CTTN: variants seen among roughly 807,000 people sequenced by gnomAD.
CTTN encodes src substrate cortactin.
CTTN carries 28 observed loss-of-function variants against 84.0 expected under a neutral mutation model. The observed-to-expected ratio is 0.33, with a 90% confidence interval of 0.25 to 0.46. CTTN has a LOEUF of 0.46. Among genes scored for constraint, CTTN ranks in the 20% least tolerant of loss-of-function variants. CTTN has a pLI of 1.00. For missense variants in CTTN, 641 were observed against 723.8 expected, an observed-to-expected ratio of 0.89 and a Z score of 1.31; for synonymous variants, 301 against 288.8, an observed-to-expected ratio of 1.04 and a Z score of -0.43.
chr11:70,403,276 T>C (rs1276694012), intron 1 of CTTN, among the ~76,000 whole-genome samples: 2 of 132,684 alleles, frequency 1.5e-5, no homozygotes, highest in Non-Finnish European at 1.6e-5. Flanking sequence ...ACAGCCTCTG[T>C]CTCCCGGGTT....
intron 1 of CTTN, among the ~76,000 whole-genome samples, chr11:70,404,386 A>G (rs751155863): frequency 2.7e-4 from 41 of 152,104 alleles, no homozygotes; most frequent in Non-Finnish European, 4.3e-4. Context: ...GTGCTTGGCC[A>G]CCCTCTGGGG....
rs1029889903 is a variant in CTTN, at chr11:70,409,316, T to G, written c.162-515T>G. Among the ~76,000 whole-genome samples, 6 of 152,194 alleles carry G rather than the reference T, an allele frequency of 3.9e-5. No homozygotes were observed. In the East Asian group the frequency reaches 1.2e-3, roughly 29 times the overall value. ...GTTTCATTATCTGCTGTATTAAAAT[T>G]TTTTAATGGCATTTAGATGTTAAAT... On this transcript the variant is annotated intron_variant, in intron 4 of 17. Coordinates refer to ENST00000301843, the MANE Select transcript of CTTN (RefSeq NM_005231.4).
chr11:70,410,208 A>G (rs2058083326), intron 5 of CTTN: 1 of 416,814 alleles, frequency 2.4e-6, no homozygotes, highest in South Asian at 3.6e-5. Context: ...CCAGAGAGGG[A>G]GATTGGCCCT....
chr11:70,434,192 G>T (rs1016601057), intron 17 of CTTN, among the ~76,000 whole-genome samples: 19 of 152,324 alleles, frequency 1.2e-4, no homozygotes, highest in South Asian at 2.1e-4. Flanking sequence ...CTCAGCTCCT[G>T]GGCTGGCCTC....
intron 15 of CTTN, 30 bp from the exon 16 acceptor site, chr11:70,433,071 C>T: frequency 6.2e-7 from 1 of 1,606,696 alleles, no homozygotes; most frequent in Non-Finnish European, 8.5e-7. Flanking sequence ...AGCATGGGCC[C>T]CGTGCCATGT....
At chr11:70,424,630 A>G (rs1591446484) in intron 12 of CTTN, among the ~76,000 whole-genome samples, 1 of 152,002 alleles carries the variant, frequency 6.6e-6, no homozygotes, top group East Asian at 1.9e-4. Context: ...AACAGGTGCA[A>G]GCAGCTCAAG....
rs61758146 is a variant in CTTN, at chr11:70,425,334, T to G, written c.960T>G (p.Asn320Lys). 5.6e-6 allele frequency: 9 copies of G among 1,611,866 alleles called. No individual in the cohort carries two copies. The highest frequency in any genetic ancestry group is 7.6e-6 in the Non-Finnish European group (9 of 1,179,074). ...YGVQKDRMDK[N>K]ASTFEDVTQV... ...ACGCCCATGTCCTGTCTCTGCAGAA[T>G]GCGTCAACCTTTGAGGATGTCACCC... The change falls in exon 13 of 18, where the codon AAT becomes AAG. Residue 320 changes from asparagine (N) to lysine (K), a missense_variant and splice_region_variant. By Grantham distance (94) the Asn-to-Lys change is moderately conservative (BLOSUM62 0). Transcript: ENST00000301843.
intron 1 of CTTN, among the ~76,000 whole-genome samples, chr11:70,403,598 T>C (rs945090183): frequency 2.0e-5 from 3 of 152,194 alleles, no homozygotes; most frequent in Admixed American, 6.5e-5. Flanking sequence ...ATTTATTTTT[T>C]TCCTCTAGTG....
At chr11:70,400,644 G>A (rs987565422) in intron 1 of CTTN, among the ~76,000 whole-genome samples, 4 of 152,242 alleles carry the variant, frequency 2.6e-5, no homozygotes, top group African/African-American at 9.6e-5. Flanking sequence ...TAAAATGACA[G>A]CACACATAAT....
intron 13 of CTTN, among the ~76,000 whole-genome samples, chr11:70,426,005 T>G (rs978332998): frequency 7.2e-5 from 11 of 152,192 alleles, no homozygotes; most frequent in African/African-American, 2.7e-4. Context: ...TCAGGGGCTA[T>G]GGACCCACAG....
Position 70,421,607 on chromosome 11 carries a change from TC to T in CTTN, c.901+33del, listed in dbSNP as rs768206952. 1.1e-5 allele frequency: 17 copies of T among 1,533,022 alleles called. No individual in the cohort carries two copies. The African/African-American group carries it at 1.9e-4, about 17-fold the overall frequency. 95.0% of individuals were successfully genotyped at this position (1,533,022 alleles called of 1,614,324 possible). ...CACAGTTGCCACCAGCCTCCTACCC[TC>T]CCCCCGACCCTCCTGTGCGGCCACT... On this transcript the variant is annotated intron_variant, in intron 11 of 17. Transcript: ENST00000301843.
chr11:70,412,700 C>T (rs986133577), intron 5 of CTTN, among the ~76,000 whole-genome samples: 4 of 152,126 alleles, frequency 2.6e-5, no homozygotes, highest in Admixed American at 6.5e-5. Context: ...ATCCATCACG[C>T]GGGGCAGGCT....
intron 1 of CTTN, among the ~76,000 whole-genome samples, chr11:70,401,073 C>G (rs1405763020): frequency 6.6e-6 from 1 of 152,102 alleles, no homozygotes; most frequent in Non-Finnish European, 1.5e-5. Context: ...GTGGCTCACA[C>G]CTGTAATCTC....
chr11:70,424,681 G>GTC (rs1399002237), intron 12 of CTTN, among the ~76,000 whole-genome samples: 1 of 152,018 alleles, frequency 6.6e-6, no homozygotes, highest in Admixed American at 6.6e-5. Context: ...TGGGAGGAGG[G>GTC]AGCGGGGTCC....
At chr11:70,414,848 T>G (rs997570719) in intron 6 of CTTN, among the ~76,000 whole-genome samples, 196 bp downstream of exon 6, 25 of 152,122 alleles carry the variant, frequency 1.6e-4, no homozygotes, top group Non-Finnish European at 2.4e-4. Flanking sequence ...GCGGCGGGCT[T>G]GCTGTAGCAG....
chr11:70,436,231 C>A lies in CTTN; in HGVS notation c.*1069C>A. On this transcript the variant is annotated 3_prime_UTR_variant, in exon 18 of 18. Coordinates refer to ENST00000301843, the MANE Select transcript of CTTN (RefSeq NM_005231.4). The stretch of plus-strand genomic sequence containing the variant: ...TGTGTGTTCTTCCCCAAGGTCCCCC[C>A]ACAGCTCCAGGACACCGCTGTCCTG... 1 of 1,584,518 alleles carries A rather than the reference C, an allele frequency of 6.3e-7. No individual in the cohort carries two copies. The highest frequency in any genetic ancestry group is 8.5e-7 in the Non-Finnish European group (1 of 1,171,776).
chr11:70,405,623 CCCCACCCCAT>C (rs2058033126), intron 2 of CTTN, among the ~76,000 whole-genome samples: 1 of 151,838 alleles, frequency 6.6e-6, no homozygotes, highest in African/African-American at 2.4e-5. Flanking sequence ...CTGGCCCCTT[CCCCACCCCAT>C]GAACATGGGT....
chr11:70,424,638 A>G (rs2058280469), intron 12 of CTTN, among the ~76,000 whole-genome samples: 1 of 151,988 alleles, frequency 6.6e-6, no homozygotes, highest in Non-Finnish European at 1.5e-5. Flanking sequence ...CAAGCAGCTC[A>G]AGGGACATGG....
At chr11:70,427,815 A>G (rs2058315943) in intron 13 of CTTN, among the ~76,000 whole-genome samples, 1 of 152,272 alleles carries the variant, frequency 6.6e-6, no homozygotes, top group African/African-American at 2.4e-5. Context: ...TTTCATCTGC[A>G]GAAGCTGAGT....
Sources: allele counts gnomAD v4.1 joint callset (sites outside exome capture counted in the v4.1 genomes callset), GRCh38; gene constraint gnomAD v4.1.1; transcripts MANE v1.5; gene names NCBI Gene and HGNC (gene_info 2026-07-23, HGNC 2026-07-21).